Variants in ARFGEF2 observed in about 807,000 individuals in gnomAD.
ARFGEF2 encodes ARF guanine nucleotide exchange factor 2.
ARFGEF2 carries 74 observed loss-of-function variants against 219.9 expected under a neutral mutation model. That is an observed-to-expected ratio of 0.34 (90% CI 0.28 to 0.41). ARFGEF2 has a LOEUF of 0.41. Among genes scored for constraint, ARFGEF2 ranks in the 10% least tolerant of loss-of-function variants. The pLI is 1.00. For synonymous variants in ARFGEF2, 733 were observed against 799.2 expected, an observed-to-expected ratio of 0.92 and a Z score of 1.40; for missense variants, 1,743 against 2,218.3, an observed-to-expected ratio of 0.79 and a Z score of 4.30.
intron 6 of ARFGEF2, among the ~76,000 whole-genome samples, chr20:48,954,379 A>C (rs1412870561): frequency 6.6e-6 from 1 of 152,166 alleles, no homozygotes; most frequent in Non-Finnish European, 1.5e-5. Flanking sequence ...TACTGGATTG[A>C]GTTGTTATAA....
intron 6 of ARFGEF2, among the ~76,000 whole-genome samples, chr20:48,960,519 T>C (rs1341853955): frequency 2.6e-5 from 4 of 151,856 alleles, no homozygotes; most frequent in Admixed American, 1.3e-4. Context: ...GTTTTGCTCC[T>C]GTCGCCTAGG....
chr20:48,921,888 C>T lies in ARFGEF2; in HGVS notation c.-2C>T. Reference sequence around the variant, plus strand: ...GCCGTCAGCCCCCGCCGGGCCGGGGCCATGCAGGAGAGCCAGACCAAGAGC... The same window carrying T: ...GCCGTCAGCCCCCGCCGGGCCGGGGTCATGCAGGAGAGCCAGACCAAGAGC... On this transcript the variant is annotated 5_prime_UTR_variant, in exon 1 of 39. Transcript: ENST00000371917. 1 of 1,544,388 alleles carries T rather than the reference C, an allele frequency of 6.5e-7. No individual in the cohort carries two copies. Among genetic ancestry groups the T allele is most frequent in the Non-Finnish European group, 8.7e-7 (1 of 1,143,632 alleles).
At position 48,989,341 on chromosome 20, in the gene ARFGEF2, G is replaced by T. The variant is rs759544117; in HGVS notation, c.2590G>T (p.Ala864Ser). Reference protein sequence around the residue: ...LLYNLEMEQMAKTAKALMEAV... With the variant: ...LLYNLEMEQMSKTAKALMEAV... ...GTACAACTTAGAGATGGAGCAAATGGCTAAAACAGCCAAAGCTCTGATGGA... is the reference window on the plus strand; with the variant it reads ...GTACAACTTAGAGATGGAGCAAATGTCTAAAACAGCCAAAGCTCTGATGGA... Residue 864 changes from alanine (A) to serine (S), a missense_variant, in exon 19 of 39, where the codon GCT (alanine) becomes TCT (serine). This residue lies in a region of ARFGEF2 where 666 missense variants were observed against 955.4 expected (regional missense o/e 0.70). Coordinates refer to ENST00000371917, the MANE Select transcript of ARFGEF2 (RefSeq NM_006420.3). 1 of 1,614,160 alleles carries T rather than the reference G, an allele frequency of 6.2e-7. No homozygotes were observed. Among genetic ancestry groups the T allele is most frequent in the Admixed American group, 1.7e-5 (1 of 60,020 alleles).
At position 49,014,081 on chromosome 20, in the gene ARFGEF2, G is replaced by A. The variant is rs541432149; in HGVS notation, c.4179+121G>A. On this transcript the variant is annotated intron_variant, in intron 30 of 38. Coordinates refer to ENST00000371917, the MANE Select transcript of ARFGEF2 (RefSeq NM_006420.3). ...AGTTCTTAAATACTGAGCAACTTAA[G>A]GTTTTAAAAATGGAAACACCTTTCT... The A allele has an allele frequency of 7.8e-5, 106 of 1,366,930 alleles. 1 individual carries two copies. Among genetic ancestry groups the A allele is most frequent in the South Asian group, 4.2e-4 (36 of 85,542 alleles). The allele number at this position is 1,366,930 out of a possible 1,614,324, so 84.7% of individuals were successfully genotyped here. A position where few individuals can be genotyped will look rare whatever the true frequency, so the allele number is the denominator to read the frequency against.
intron 1 of ARFGEF2, among the ~76,000 whole-genome samples, chr20:48,925,510 A>G (rs2090871071): frequency 6.6e-6 from 1 of 152,170 alleles, no homozygotes; most frequent in Non-Finnish European, 1.5e-5. Context: ...TGGAGGCTTA[A>G]TAGGATAATC....
intron 21 of ARFGEF2, among the ~76,000 whole-genome samples, 171 bp downstream of exon 21, chr20:48,991,369 C>T (rs985723814): frequency 6.6e-6 from 1 of 152,050 alleles, no homozygotes; most frequent in Non-Finnish European, 1.5e-5. Context: ...CGAGTTCAGG[C>T]GCACCAGCTC....
rs375554550 is a variant in ARFGEF2, at chr20:49,012,039, T to A, written c.3873T>A (p.Ile1291=). The change falls in exon 28 of 39, where the codon ATT becomes ATA. Residue 1291 remains isoleucine (I), a synonymous_variant. Transcript: ENST00000371917. ...AAFPDTSMEA[I]RLIRFCGKYV... ...TCCCTGACACGAGCATGGAAGCGATTCGGCTCATCCGCTTCTGTGGCAAAT... is the reference window on the plus strand; with the variant it reads ...TCCCTGACACGAGCATGGAAGCGATACGGCTCATCCGCTTCTGTGGCAAAT... 6.2e-7 allele frequency: 1 copy of A among 1,614,114 alleles called. No individual in the cohort carries two copies. Among genetic ancestry groups the A allele is most frequent in the African/African-American group, 1.3e-5 (1 of 74,930 alleles).
At chr20:48,946,889 A>G (rs1216696120) in intron 3 of ARFGEF2, among the ~76,000 whole-genome samples, 1 of 150,298 alleles carries the variant, frequency 6.7e-6, no homozygotes, top group Non-Finnish European at 1.5e-5. Flanking sequence ...GCAGCCTCAA[A>G]CTCCTGGACT....
In ARFGEF2 at chr20:48,951,469, G is replaced by A. The variant is rs2091070640; in HGVS notation, c.423G>A (p.Lys141=). The A allele has an allele frequency of 1.2e-6, 2 of 1,614,098 alleles. No individual in the cohort carries two copies. Among genetic ancestry groups the A allele is most frequent in the Non-Finnish European group, 1.7e-6 (2 of 1,180,008 alleles). Residue 141 remains lysine, a splice_region_variant and synonymous_variant, in exon 4 of 39, where the codon AAG becomes AAA. Coordinates refer to ENST00000371917, the MANE Select transcript of ARFGEF2 (RefSeq NM_006420.3). ...AAGGGGTTCAGTTACAAATAATTAA[G>A]GTATGCCTATTTGTTTGCCTGTCTG... ...TDEGVQLQII[K]ALLTAVTSPH...
chr20:48,962,383 G>A (rs1184011613), intron 6 of ARFGEF2, among the ~76,000 whole-genome samples: 2 of 152,138 alleles, frequency 1.3e-5, no homozygotes, highest in African/African-American at 4.8e-5. Context: ...TAGACGATAG[G>A]AATTTTTCAG....
intron 7 of ARFGEF2, among the ~76,000 whole-genome samples, chr20:48,964,700 A>G (rs2091177378): frequency 6.6e-6 from 1 of 152,210 alleles, no homozygotes; most frequent in African/African-American, 2.4e-5. Flanking sequence ...ATGGCTCAGA[A>G]TGACTGTTAG....
At position 48,953,571 on chromosome 20, in the gene ARFGEF2, G is replaced by T; in HGVS notation, c.619G>T (p.Glu207Ter). 1 of 1,614,014 alleles carries T rather than the reference G, an allele frequency of 6.2e-7. No individual in the cohort carries two copies. The highest frequency in any genetic ancestry group is 8.5e-7 in the Non-Finnish European group (1 of 1,179,978). ...MENQVLQEAR[E>*]LEKPIQSKPQ... ...TGCCTTTTAGTTGCAGGAGGCCAGA[G>T]AACTGGAAAAACCAATCCAGTCAAA... The change falls in exon 6 of 39, where the codon GAA becomes TAA. Residue 207 changes from glutamate (E) to a stop codon, truncating the protein, a stop_gained. Transcript: ENST00000371917. LOFTEE classifies it high-confidence loss of function.
intron 5 of ARFGEF2, among the ~76,000 whole-genome samples, chr20:48,953,154 CTTTCTTTCTTTT>C (rs2091081723): frequency 6.7e-6 from 1 of 149,430 alleles, no homozygotes; most frequent in African/African-American, 2.4e-5. Context: ...TTCTTTCTTT[CTTTCTTTCTTTT>C]TTTTTTTTTC....
At chr20:48,999,559 A>G (rs1188928817) in intron 25 of ARFGEF2, among the ~76,000 whole-genome samples, 1 of 152,098 alleles carries the variant, frequency 6.6e-6, no homozygotes, top group Non-Finnish European at 1.5e-5. Flanking sequence ...CGTCCTGGCT[A>G]ACATGGTGAA....
intron 12 of ARFGEF2, among the ~76,000 whole-genome samples, 170 bp from the exon 13 acceptor site, chr20:48,974,596 A>G (rs545007920): frequency 3.3e-5 from 5 of 152,128 alleles, no homozygotes; most frequent in East Asian, 3.8e-4. Context: ...GGCTTTTGCA[A>G]TGTATCCTTG....
chr20:49,026,585 T>G (rs2091604619), intron 36 of ARFGEF2, among the ~76,000 whole-genome samples: 1 of 127,504 alleles, frequency 7.8e-6, no homozygotes. Flanking sequence ...TTACCATTAC[T>G]TTTTTTTTTT....
intron 25 of ARFGEF2, among the ~76,000 whole-genome samples, chr20:49,001,054 C>CTT (rs66754799): frequency 2.1e-3 from 125 of 60,562 alleles, no homozygotes; most frequent in African/African-American, 3.7e-3. Flanking sequence ...CTCAGGAACT[C>CTT]TTTTTTTTTT....
intron 34 of ARFGEF2, 139 bp from the exon 35 acceptor site, chr20:49,022,912 C>A: frequency 8.5e-7 from 1 of 1,180,412 alleles, no homozygotes; most frequent in Non-Finnish European, 1.2e-6. Context: ...ACCAGGAGTT[C>A]AGGACCAGCC....
At chr20:48,976,318 T>A in intron 14 of ARFGEF2, 119 bp downstream of exon 14, 1 of 1,257,598 alleles carries the variant, frequency 8.0e-7, no homozygotes, top group African/African-American at 1.5e-5. Context: ...CTGGCACTTG[T>A]AGCTAAGCCT....
Sources: gnomAD v4.1 joint callset for allele counts (sites outside exome capture counted in the v4.1 genomes callset) on GRCh38, gnomAD v4.1.1 for gene constraint, gnomAD v4.1.1 regional missense constraint, MANE v1.5 for transcripts, NCBI Gene and HGNC (gene_info 2026-07-23, HGNC 2026-07-21) for gene names.